The following ZNF423 variants were observed in gnomAD, a reference collection of about 807,000 sequenced individuals.
ZNF423 encodes the protein zinc finger protein 423.
In ZNF423, 12 loss-of-function variants were observed where a neutral mutation model predicts 95.8. That is an observed-to-expected ratio of 0.13 (90% confidence interval 0.08 to 0.20). ZNF423 has a LOEUF of 0.20. Ranked by LOEUF, ZNF423 falls within the 10% of genes least tolerant of loss-of-function variation. The probability of loss-of-function intolerance (pLI) is 1.00; values close to 1 mark genes in which losing one functional copy is unlikely to be tolerated. For synonymous variants in ZNF423, 749 were observed against 711.9 expected, an observed-to-expected ratio of 1.05 and a Z score of -0.83; for missense variants, 1,316 against 1,737.1, an observed-to-expected ratio of 0.76 and a Z score of 4.31.
At chr16:49,825,334 A>C (rs2034993915) in intron 1 of ZNF423, among the ~76,000 whole-genome samples, 1 of 152,192 alleles carries the variant, frequency 6.6e-6, no homozygotes. Flanking sequence ...CTTTCACTGA[A>C]ACATACACAC....
chr16:49,511,837 A>ACCC (rs1967910975), intron 7 of ZNF423, among the ~76,000 whole-genome samples: 1 of 152,204 alleles, frequency 6.6e-6, no homozygotes, highest in African/African-American at 2.4e-5. Context: ...TTGACAGTAA[A>ACCC]TAAACCAAGG....
rs185817168 is a variant in ZNF423 at position 49,518,397 on chromosome 16, T to C, written c.3849+5227A>G. 426 of 433,804 alleles carry C rather than the reference T, an allele frequency of 9.8e-4. 3 individuals carry two copies. Among genetic ancestry groups the C allele is most frequent in the African/African-American group, 8.0e-3 (390 of 48,922 alleles). The allele number at this position is 433,804 out of a possible 1,614,324, so 26.9% of individuals were successfully genotyped here. On this transcript the variant is annotated intron_variant, in intron 7 of 7. Coordinates refer to ENST00000563137, the MANE Select transcript of ZNF423 (RefSeq NM_001379286.1). ...CAACGGGAACCACAGTTTCCAAATT[T>C]GTCATTTAGAAAATTCACTTTTTCT...
chr16:49,600,701 T>C (rs1021035096), intron 5 of ZNF423, among the ~76,000 whole-genome samples: 14 of 152,092 alleles, frequency 9.2e-5, no homozygotes, highest in Non-Finnish European at 4.4e-5. Flanking sequence ...GCGGCAAGAT[T>C]GACTGCAGCC....
At chr16:49,677,945 G>A (rs1019965484) in intron 3 of ZNF423, among the ~76,000 whole-genome samples, 3 of 152,110 alleles carry the variant, frequency 2.0e-5, no homozygotes, top group Admixed American at 6.5e-5. Context: ...CACTTTGGGA[G>A]GCCGAGGCGG....
intron 1 of ZNF423, among the ~76,000 whole-genome samples, chr16:49,853,047 T>C (rs755616360): frequency 7.2e-5 from 11 of 152,238 alleles, no homozygotes; most frequent in Non-Finnish European, 1.3e-4. Flanking sequence ...CGAGATCAAC[T>C]ACAAATTACA....
At chr16:49,795,764 A>G (rs2034490181) in intron 1 of ZNF423, among the ~76,000 whole-genome samples, 1 of 152,166 alleles carries the variant, frequency 6.6e-6, no homozygotes, top group Non-Finnish European at 1.5e-5. Flanking sequence ...AGCTGTGGAG[A>G]CTGATGGGCA....
At chr16:49,532,201 C>T (rs549277019) in intron 5 of ZNF423, among the ~76,000 whole-genome samples, 2 of 152,256 alleles carry the variant, frequency 1.3e-5, no homozygotes, top group African/African-American at 2.4e-5. Context: ...GGAAATGATG[C>T]GAGTATATCT....
intron 4 of ZNF423, among the ~76,000 whole-genome samples, chr16:49,631,125 C>T (rs1972479531): frequency 6.6e-6 from 1 of 152,138 alleles, no homozygotes; most frequent in Admixed American, 6.5e-5. Flanking sequence ...GGCATGTTCA[C>T]ACTCATCCAG....
intron 3 of ZNF423, among the ~76,000 whole-genome samples, chr16:49,714,065 C>G (rs1453894421): frequency 6.6e-6 from 1 of 152,214 alleles, no homozygotes; most frequent in Admixed American, 6.5e-5. Context: ...TGAAGCCCAG[C>G]TCTGGGTCTC....
chr16:49,780,987 C>T (rs117549415), intron 2 of ZNF423, among the ~76,000 whole-genome samples: 147 of 152,318 alleles, frequency 9.7e-4, no homozygotes, highest in Admixed American at 1.8e-3. Context: ...AGCCAAAGGG[C>T]GCCCAGGCAG....
At chr16:49,667,294 G>A (rs2030591275) in intron 3 of ZNF423, among the ~76,000 whole-genome samples, 1 of 152,260 alleles carries the variant, frequency 6.6e-6, no homozygotes, top group South Asian at 2.1e-4. Flanking sequence ...TGTGGGCATG[G>A]AGGCCCGAGA....
intron 2 of ZNF423, among the ~76,000 whole-genome samples, chr16:49,746,906 G>A (rs368924158): frequency 4.6e-5 from 7 of 152,178 alleles, no homozygotes; most frequent in Admixed American, 1.3e-4. Flanking sequence ...ACCCCTAGCC[G>A]TAGCATCCTG....
intron 5 of ZNF423, among the ~76,000 whole-genome samples, chr16:49,542,292 G>A (rs561375316): frequency 6.6e-6 from 1 of 152,202 alleles, no homozygotes; most frequent in Non-Finnish European, 1.5e-5. Flanking sequence ...CCTGTCAAGT[G>A]GAATGGACAG....
At chr16:49,737,572 TA>T (rs1168764663) in intron 2 of ZNF423, among the ~76,000 whole-genome samples, 5 of 152,312 alleles carry the variant, frequency 3.3e-5, no homozygotes. Context: ...TCCTGACTCT[TA>T]ACCACTATAC....
intron 5 of ZNF423, among the ~76,000 whole-genome samples, chr16:49,618,187 T>C (rs540580145): frequency 1.5e-3 from 223 of 152,302 alleles, no homozygotes; most frequent in African/African-American, 5.1e-3. Context: ...CTAGCAACAT[T>C]GGACATGACA....
At chr16:49,856,599 T>G (rs888887780), upstream of ZNF423, among the ~76,000 whole-genome samples, 13 of 151,252 alleles carry the variant, frequency 8.6e-5, no homozygotes, top group Non-Finnish European at 1.6e-4. Context: ...CCGCAGTGGC[T>G]CGGAAGCCGC....
intron 5 of ZNF423, among the ~76,000 whole-genome samples, chr16:49,572,840 C>T (rs777156807): frequency 6.6e-6 from 1 of 152,180 alleles, no homozygotes. Flanking sequence ...CTAGGCAGAG[C>T]TGTGGAGAGA....
chr16:49,828,649 C>T (rs912817288), intron 1 of ZNF423, among the ~76,000 whole-genome samples: 1 of 152,200 alleles, frequency 6.6e-6, no homozygotes, highest in Non-Finnish European at 1.5e-5. Context: ...AAATGCTTTG[C>T]TCATTAGACT....
chr16:49,764,847 A>G (rs1013936669), intron 2 of ZNF423, among the ~76,000 whole-genome samples: 5 of 151,782 alleles, frequency 3.3e-5, no homozygotes, highest in Non-Finnish European at 5.9e-5. Flanking sequence ...CCCAGGTTCA[A>G]GCAATTCTCC....
Sources: gnomAD v4.1 joint callset for allele counts (sites outside exome capture counted in the v4.1 genomes callset) on GRCh38, gnomAD v4.1.1 for gene constraint, MANE v1.5 for transcripts, NCBI Gene and HGNC (gene_info 2026-07-23, HGNC 2026-07-21) for gene names.